Variants in CTNNA3 observed in about 807,000 individuals in gnomAD.
CTNNA3 encodes catenin alpha 3, also known as catenin alpha-3.
In CTNNA3, 76 loss-of-function variants were observed where a neutral mutation model predicts 95.7. The ratio of observed to expected loss-of-function variants is 0.79; its 90% CI spans 0.66 to 0.96. The LOEUF is 0.96. Ranked by LOEUF, CTNNA3 falls within the 40% of genes least tolerant of loss-of-function variation. The pLI is 0.00. For missense variants in CTNNA3, 1,191 were observed against 1,089.8 expected, an observed-to-expected ratio of 1.09 and a Z score of -1.31; for synonymous variants, 431 against 374.4, an observed-to-expected ratio of 1.15 and a Z score of -1.74.
At chr10:66,914,142 T>TTG (rs1360936212) in intron 7 of CTNNA3, among the ~76,000 whole-genome samples, 1 of 150,124 alleles carries the variant, frequency 6.7e-6, no homozygotes, top group Non-Finnish European at 1.5e-5. Context: ...TTTTTTTTTT[T>TTG]TTTTTTGAGA....
intron 5 of CTNNA3, among the ~76,000 whole-genome samples, chr10:67,447,674 A>G (rs1203134733): frequency 1.3e-5 from 2 of 152,208 alleles, no homozygotes; most frequent in South Asian, 2.1e-4. Flanking sequence ...GTATCAAACA[A>G]CACCCCTTGG....
At chr10:66,577,357 T>G (rs944137556) in intron 10 of CTNNA3, among the ~76,000 whole-genome samples, 1 of 152,128 alleles carries the variant, frequency 6.6e-6, no homozygotes, top group African/African-American at 2.4e-5. Context: ...AATTTTTGTT[T>G]TTGTTGCAAT....
intron 6 of CTNNA3, among the ~76,000 whole-genome samples, chr10:67,199,278 T>A (rs1034112091): frequency 1.3e-5 from 2 of 152,128 alleles, no homozygotes; most frequent in Admixed American, 1.3e-4. Flanking sequence ...ACTGTGGAGG[T>A]ACCTGACAAC....
intron 7 of CTNNA3, among the ~76,000 whole-genome samples, chr10:67,034,277 TC>T (rs1853908370): frequency 6.6e-6 from 1 of 152,174 alleles, no homozygotes; most frequent in South Asian, 2.1e-4. Flanking sequence ...TGCCAAGCAA[TC>T]ATTTGCCAAG....
At chr10:66,392,427 C>A (rs2092941373) in intron 11 of CTNNA3, among the ~76,000 whole-genome samples, 1 of 151,164 alleles carries the variant, frequency 6.6e-6, no homozygotes, top group Admixed American at 6.6e-5. Context: ...GAGACCCCTT[C>A]TCAAAAAACA....
intron 5 of CTNNA3, among the ~76,000 whole-genome samples, chr10:67,448,396 A>C (rs781458851): frequency 6.6e-6 from 1 of 152,186 alleles, no homozygotes; most frequent in Non-Finnish European, 1.5e-5. Flanking sequence ...TTAAGCAGGT[A>C]AGATAATTCT....
At chr10:67,132,694 A>AT (rs748445705) in intron 7 of CTNNA3, among the ~76,000 whole-genome samples, 1 of 152,080 alleles carries the variant, frequency 6.6e-6, no homozygotes, top group African/African-American at 2.4e-5. Context: ...AGACGAATGG[A>AT]TAAAAAAAAT....
At chr10:66,286,267 C>T (rs138897285) in intron 12 of CTNNA3, among the ~76,000 whole-genome samples, 303 of 152,124 alleles carry the variant, frequency 2.0e-3, no homozygotes, top group African/African-American at 6.9e-3. Flanking sequence ...TTGGCACATA[C>T]CATCTTTTAC....
chr10:66,817,235 A>T (rs1842123424), intron 7 of CTNNA3, among the ~76,000 whole-genome samples: 1 of 152,012 alleles, frequency 6.6e-6, no homozygotes, highest in African/African-American at 2.4e-5. Flanking sequence ...TAAAACAAAA[A>T]ACACATCCAA....
chr10:67,090,455 T>C (rs888494095), intron 7 of CTNNA3, among the ~76,000 whole-genome samples: 1 of 152,128 alleles, frequency 6.6e-6, no homozygotes, highest in Non-Finnish European at 1.5e-5. Flanking sequence ...GCCTATATTG[T>C]GTTCACCTCT....
intron 7 of CTNNA3, among the ~76,000 whole-genome samples, chr10:66,819,139 G>C (rs909378355): frequency 6.7e-6 from 1 of 149,204 alleles, no homozygotes; most frequent in African/African-American, 2.5e-5. Flanking sequence ...TTGGCATAAT[G>C]GATCAAATAG....
chr10:66,277,165 C>A (rs115692692), intron 13 of CTNNA3, among the ~76,000 whole-genome samples: 130 of 152,176 alleles, frequency 8.5e-4, no homozygotes, highest in African/African-American at 3.0e-3. Flanking sequence ...GAATTTTAAA[C>A]AACTGCTAGC....
At chr10:66,954,114 G>C (rs1031136748) in intron 7 of CTNNA3, among the ~76,000 whole-genome samples, 1 of 152,016 alleles carries the variant, frequency 6.6e-6, no homozygotes, top group Non-Finnish European at 1.5e-5. Context: ...GCCTCTACTA[G>C]TCAGTAAATC....
chr10:67,191,349 A>G (rs2095713883), intron 6 of CTNNA3, among the ~76,000 whole-genome samples: 1 of 152,040 alleles, frequency 6.6e-6, no homozygotes. Flanking sequence ...TTATGTATAG[A>G]AAACCCAAAG....
intron 1 of CTNNA3, among the ~76,000 whole-genome samples, chr10:67,741,456 TGA>T (rs1449393914): frequency 6.7e-6 from 1 of 150,156 alleles, no homozygotes; most frequent in East Asian, 1.9e-4. Flanking sequence ...AAGCAAATGC[TGA>T]GAGATTTTGT....
chr10:67,422,509 C>T (rs188542839), intron 5 of CTNNA3, among the ~76,000 whole-genome samples: 39 of 152,196 alleles, frequency 2.6e-4, no homozygotes, highest in Admixed American at 2.5e-3. Context: ...AATGAAGTTA[C>T]CCCAGATATA....
intron 4 of CTNNA3, among the ~76,000 whole-genome samples, chr10:67,535,951 A>C (rs1458477005): frequency 6.6e-6 from 1 of 152,122 alleles, no homozygotes; most frequent in East Asian, 1.9e-4. Context: ...ATTATAAGAC[A>C]AGACACCATG....
intron 10 of CTNNA3, among the ~76,000 whole-genome samples, chr10:66,588,741 C>A (rs184857463): frequency 3.5e-4 from 54 of 152,166 alleles, no homozygotes; most frequent in African/African-American, 1.2e-3. Flanking sequence ...GAATAAAAGA[C>A]AAGAAATTTC....
intron 10 of CTNNA3, among the ~76,000 whole-genome samples, chr10:66,607,472 C>CAAAAAA (rs574854850): frequency 2.1e-3 from 93 of 45,168 alleles, no homozygotes; most frequent in Non-Finnish European, 2.2e-3. Context: ...CAGAGACAAC[C>CAAAAAA]AAAAAAAAAA....
Sources: allele counts gnomAD v4.1 joint callset (sites outside exome capture counted in the v4.1 genomes callset), GRCh38; gene constraint gnomAD v4.1.1; transcripts MANE v1.5; gene names NCBI Gene and HGNC (gene_info 2026-07-23, HGNC 2026-07-21).